NR3C2: variants seen among roughly 807,000 people sequenced by gnomAD.
The protein encoded by NR3C2 is mineralocorticoid receptor.
A neutral mutation model predicts 86.4 loss-of-function variants in NR3C2; 15 were observed. That is an observed-to-expected ratio of 0.17 (90% CI 0.12 to 0.27). The LOEUF (loss-of-function observed/expected upper bound fraction) is 0.27. Ranked by LOEUF, NR3C2 falls within the 10% of genes least tolerant of loss-of-function variation. NR3C2 has a pLI of 1.00. For missense variants in NR3C2, 960 were observed against 1,195.6 expected, an observed-to-expected ratio of 0.80 and a Z score of 2.91; for synonymous variants, 458 against 450.5, an observed-to-expected ratio of 1.02 and a Z score of -0.21.
chr4:148,289,273 CAAA>C (rs34696054), intron 2 of NR3C2, among the ~76,000 whole-genome samples: 4 of 130,848 alleles, frequency 3.1e-5, no homozygotes, highest in African/African-American at 8.5e-5. Flanking sequence ...TATTTACAGC[CAAA>C]AAAAAAAAAA....
intron 3 of NR3C2, among the ~76,000 whole-genome samples, chr4:148,209,750 C>T (rs762393644): frequency 6.6e-6 from 1 of 152,180 alleles, no homozygotes; most frequent in Non-Finnish European, 1.5e-5. Context: ...AGGACGGTTG[C>T]TTCTCACCCT....
intron 2 of NR3C2, among the ~76,000 whole-genome samples, chr4:148,315,625 A>C (rs144990978): frequency 6.6e-6 from 1 of 152,222 alleles, no homozygotes; most frequent in East Asian, 1.9e-4. Context: ...AAGAAACAGA[A>C]GTATTTATGA....
intron 3 of NR3C2, among the ~76,000 whole-genome samples, chr4:148,211,108 T>C (rs1447834342): frequency 6.6e-6 from 1 of 152,242 alleles, no homozygotes; most frequent in South Asian, 2.1e-4. Flanking sequence ...GAGTAATCAC[T>C]GTCCTTATCC....
At chr4:148,399,386 T>C (rs1748024326) in intron 2 of NR3C2, among the ~76,000 whole-genome samples, 2 of 151,890 alleles carry the variant, frequency 1.3e-5, no homozygotes, top group South Asian at 2.1e-4. Context: ...TAATTATATA[T>C]AATACACTAC....
intron 2 of NR3C2, among the ~76,000 whole-genome samples, chr4:148,421,846 G>A (rs1042874171): frequency 1.3e-5 from 2 of 152,088 alleles, no homozygotes; most frequent in Non-Finnish European, 1.5e-5. Context: ...CTCAGGTACT[G>A]GCAACAAATT....
chr4:148,184,172 T>G (rs573692222), intron 4 of NR3C2, among the ~76,000 whole-genome samples: 1 of 151,918 alleles, frequency 6.6e-6, no homozygotes, highest in African/African-American at 2.4e-5. Context: ...AAGGATAGGC[T>G]GGGTGCGGTA....
At chr4:148,165,983 G>A (rs1405200279) in intron 4 of NR3C2, among the ~76,000 whole-genome samples, 5 of 152,166 alleles carry the variant, frequency 3.3e-5, no homozygotes, top group African/African-American at 7.2e-5. Context: ...AAATAGGCCC[G>A]AGGAAAGAGA....
At position 148,436,131 on chromosome 4, in the gene NR3C2, G is replaced by T. The variant is rs1553943093; in HGVS notation, c.730C>A (p.Arg244=). The T allele has an allele frequency of 1.2e-6, 2 of 1,613,986 alleles. No homozygotes were observed. Among genetic ancestry groups the T allele is most frequent in the Non-Finnish European group, 1.7e-6 (2 of 1,180,028 alleles). ...PLTCSPNVEN[R]GSRSHSPAHA... is the part of the protein sequence containing the mutation. ...GCAGGGCTGTGCGACCTGGAGCCTCGATTTTCAACATTAGGGGAGCATGTC... is the reference window on the plus strand; with the variant it reads ...GCAGGGCTGTGCGACCTGGAGCCTCTATTTTCAACATTAGGGGAGCATGTC... The change falls in exon 2 of 9, where the codon CGA becomes AGA. Residue 244 remains arginine, a synonymous_variant. Coordinates refer to ENST00000358102, the MANE Select transcript of NR3C2 (RefSeq NM_000901.5).
intron 2 of NR3C2, among the ~76,000 whole-genome samples, chr4:148,261,273 ACTATGGTAAGCG>A (rs1422106743): frequency 3.5e-5 from 3 of 85,366 alleles, no homozygotes; most frequent in African/African-American, 8.6e-5. Flanking sequence ...GCTATGGTGC[ACTATGGTAAGCG>A]CTATGGTAAG....
chr4:148,105,173 A>C (rs1326301319), intron 8 of NR3C2, among the ~76,000 whole-genome samples: 1 of 152,204 alleles, frequency 6.6e-6, no homozygotes, highest in Non-Finnish European at 1.5e-5. Flanking sequence ...CTCTCTCAAA[A>C]TAATGTGTGA....
At chr4:148,332,551 T>C (rs1045655476) in intron 2 of NR3C2, among the ~76,000 whole-genome samples, 3 of 152,240 alleles carry the variant, frequency 2.0e-5, no homozygotes, top group Non-Finnish European at 2.9e-5. Flanking sequence ...CTTTTGCTTT[T>C]TTATTTGTGT....
chr4:148,411,939 G>A (rs1409443575), intron 2 of NR3C2, among the ~76,000 whole-genome samples: 2 of 152,060 alleles, frequency 1.3e-5, no homozygotes, highest in African/African-American at 4.8e-5. Flanking sequence ...AAAACTTAAC[G>A]CTGCACATTT....
intron 2 of NR3C2, 122 bp downstream of exon 2, chr4:148,434,982 C>T: frequency 1.1e-6 from 1 of 942,850 alleles, no homozygotes; most frequent in South Asian, 1.4e-5. Flanking sequence ...AGTGGAGCAA[C>T]ATATGACCAT....
intron 2 of NR3C2, among the ~76,000 whole-genome samples, chr4:148,395,292 G>A (rs200965450): frequency 1.1e-4 from 16 of 150,438 alleles, no homozygotes; most frequent in Admixed American, 2.6e-4. Flanking sequence ...CTTATGGCTT[G>A]TGATTTAGGG....
At chr4:148,232,313 C>A (rs1305953940) in intron 3 of NR3C2, among the ~76,000 whole-genome samples, 1 of 152,188 alleles carries the variant, frequency 6.6e-6, no homozygotes, top group Non-Finnish European at 1.5e-5. Context: ...CCATGGACTG[C>A]AGAATGGATG....
intron 6 of NR3C2, among the ~76,000 whole-genome samples, chr4:148,142,197 C>T (rs1733645541): frequency 6.6e-6 from 1 of 152,160 alleles, no homozygotes; most frequent in Non-Finnish European, 1.5e-5. Context: ...TAACTAACGC[C>T]AGGCAGCATT....
chr4:148,363,455 G>A (rs1395898972), intron 2 of NR3C2, among the ~76,000 whole-genome samples: 1 of 146,348 alleles, frequency 6.8e-6, no homozygotes, highest in Admixed American at 6.9e-5. Context: ...TTTTTTACAT[G>A]AAATTACAGC....
chr4:148,131,824 T>C (rs957672693), intron 6 of NR3C2, among the ~76,000 whole-genome samples: 2 of 152,196 alleles, frequency 1.3e-5, no homozygotes, highest in African/African-American at 4.8e-5. Context: ...CCTTAGTTGA[T>C]GTTCCAGAAG....
At chr4:148,379,523 AC>A (rs1246791023) in intron 2 of NR3C2, among the ~76,000 whole-genome samples, 4 of 152,218 alleles carry the variant, frequency 2.6e-5, no homozygotes, top group African/African-American at 4.8e-5. Context: ...CCAACATGGA[AC>A]CAGGAGATTT....
Sources: allele counts gnomAD v4.1 joint callset (sites outside exome capture counted in the v4.1 genomes callset), GRCh38; gene constraint gnomAD v4.1.1; transcripts MANE v1.5; gene names NCBI Gene and HGNC (gene_info 2026-07-23, HGNC 2026-07-21).